The following PAQR8 variants were observed in gnomAD, a reference collection of about 807,000 sequenced individuals.
PAQR8 encodes the protein membrane progestin receptor beta.
A neutral mutation model predicts 25.2 loss-of-function variants in PAQR8; 17 were observed. The observed-to-expected ratio is 0.67, with a 90% confidence interval of 0.46 to 1.01. The LOEUF is 1.01. Among genes scored for constraint, PAQR8 ranks in the 50% least tolerant of loss-of-function variants. The pLI, the probability that PAQR8 is intolerant of heterozygous loss-of-function variation, is 0.00. For synonymous variants in PAQR8, 204 were observed against 190.6 expected, an observed-to-expected ratio of 1.07 and a Z score of -0.58; for missense variants, 392 against 448.4, an observed-to-expected ratio of 0.87 and a Z score of 1.14.
intron 1 of PAQR8, among the ~76,000 whole-genome samples, chr6:52,364,103 T>TTTTTTTTTTTTTTTTTGG (rs59464397): frequency 1.4e-5 from 2 of 138,960 alleles, no homozygotes. Context: ...TTTTTTTTTT[T>TTTTTTTTTTTTTTTTTGG]GCGGGTGTGT....
chr6:52,393,925 C>A (rs1013763511), intron 1 of PAQR8, among the ~76,000 whole-genome samples: 16 of 152,122 alleles, frequency 1.1e-4, no homozygotes, highest in Non-Finnish European at 2.2e-4. Context: ...CAGTGGACAT[C>A]AGTGGTGTGG....
Position 52,393,152 on chromosome 6 carries a change from A to C in PAQR8, c.-52-10010A>C, listed in dbSNP as rs1763728970. On this transcript the variant is annotated intron_variant, in intron 1 of 1. Transcript: ENST00000442253. ...ATCACATACTGTGCAGCCTTGGACA[A>C]GTTATGTAATCTCTCTGTAACTGTT... is the stretch of plus-strand genomic sequence containing the variant. Among the ~76,000 whole-genome samples, 3 of 152,272 alleles carry C rather than the reference A, an allele frequency of 2.0e-5. No homozygotes were observed. In the South Asian group the frequency reaches 6.2e-4, roughly 32 times the overall value.
intron 1 of PAQR8, among the ~76,000 whole-genome samples, chr6:52,367,969 C>T (rs1324458741): frequency 6.6e-6 from 1 of 152,150 alleles, no homozygotes; most frequent in Non-Finnish European, 1.5e-5. Context: ...TGATTCATGC[C>T]TGTAATCCCA....
Position 52,380,847 on chromosome 6 carries a change from G to A in PAQR8, c.-53+18598G>A, listed in dbSNP as rs551345530. Among the ~76,000 whole-genome samples the A allele has an allele frequency of 4.6e-5, 7 of 152,172 alleles. No homozygotes were observed. In the South Asian group the frequency reaches 1.5e-3, roughly 32 times the overall value. On this transcript the variant is annotated intron_variant, in intron 1 of 1. Transcript: ENST00000442253. ...TGTTTTATTACAAATTTATGAGGCT[G>A]GTATAAACAGGTATCAACTTGCTAT...
rs192670192 is a variant in PAQR8 at position 52,405,877 on chromosome 6, C to T, written c.*1599C>T. The T allele has an allele frequency of 7.7e-4, 128 of 167,036 alleles. 1 individual carries two copies. The highest frequency in any genetic ancestry group is 1.7e-3 in the Non-Finnish European group (117 of 68,108). The allele number at this position is 167,036 out of a possible 1,614,324, so 10.3% of individuals were successfully genotyped here. A position where few individuals can be genotyped will look rare whatever the true frequency, so the allele number is the denominator to read the frequency against. ...ATAAGAAAAAATATATATTGCTCTT[C>T]AACTAGTGAATGAAAGAAACTTCAG... On this transcript the variant is annotated 3_prime_UTR_variant, in exon 2 of 2. Transcript: ENST00000442253.
chr6:52,380,890 T>C (rs969345507), intron 1 of PAQR8, among the ~76,000 whole-genome samples: 1 of 152,236 alleles, frequency 6.6e-6, no homozygotes, highest in Non-Finnish European at 1.5e-5. Flanking sequence ...GCCAATACTT[T>C]GTACTCACGA....
At chr6:52,385,928 C>A (rs1213913464) in intron 1 of PAQR8, among the ~76,000 whole-genome samples, 1 of 152,106 alleles carries the variant, frequency 6.6e-6, no homozygotes, top group Non-Finnish European at 1.5e-5. Flanking sequence ...AGACAACCTA[C>A]AGAATGGGAG....
rs148392540 is a variant in PAQR8, at chr6:52,397,349, A to G, written c.-52-5813A>G. 2.8e-3 allele frequency among the ~76,000 whole-genome samples: 432 copies of G among 152,194 alleles called. 1 individual carries two copies. Among genetic ancestry groups the G allele is most frequent in the African/African-American group, 9.8e-3 (407 of 41,502 alleles). On this transcript the variant is annotated intron_variant, in intron 1 of 1. Coordinates refer to ENST00000442253, the MANE Select transcript of PAQR8 (RefSeq NM_133367.5). The stretch of plus-strand genomic sequence containing the variant: ...TTTGCCTCTTTGCTAGAATGCCCCA[A>G]TTCTCACTTGTCTGAGCTCTATCCA...
intron 1 of PAQR8, among the ~76,000 whole-genome samples, chr6:52,373,119 C>T (rs182792397): frequency 5.3e-4 from 80 of 152,312 alleles, no homozygotes; most frequent in African/African-American, 1.8e-3. Flanking sequence ...CAAACTCCCA[C>T]GGACATGACT....
chr6:52,403,910 G>A lies in PAQR8; in HGVS notation c.697G>A (p.Ala233Thr), dbSNP rs761173338. The part of the protein sequence containing the change: ...LDISPVAHRV[A>T]LCHLAGCQEQ... ...CATCAGCCCTGTGGCACACCGTGTG[G>A]CGCTCTGTCACCTGGCTGGCTGCCA... Residue 233 changes from alanine (A) to threonine (T), a missense_variant, in exon 2 of 2, where the codon GCG becomes ACG. Coordinates refer to ENST00000442253, the MANE Select transcript of PAQR8 (RefSeq NM_133367.5). 3 of 1,614,236 alleles carry A rather than the reference G, an allele frequency of 1.9e-6. No homozygotes were observed. Among genetic ancestry groups the A allele is most frequent in the Non-Finnish European group, 2.5e-6 (3 of 1,180,034 alleles).
At chr6:52,374,940 T>C (rs1763467702) in intron 1 of PAQR8, among the ~76,000 whole-genome samples, 1 of 149,182 alleles carries the variant, frequency 6.7e-6, no homozygotes, top group Non-Finnish European at 1.5e-5. Flanking sequence ...ATTAATATAA[T>C]ATTATATTAA....
At chr6:52,387,515 A>T (rs1207536954) in intron 1 of PAQR8, among the ~76,000 whole-genome samples, 1 of 152,270 alleles carries the variant, frequency 6.6e-6, no homozygotes, top group Non-Finnish European at 1.5e-5. Flanking sequence ...AATATTTTGA[A>T]TAACTTCCTT....
chr6:52,364,652 C>T (rs1361990334), intron 1 of PAQR8, among the ~76,000 whole-genome samples: 4 of 152,190 alleles, frequency 2.6e-5, no homozygotes, highest in Admixed American at 2.0e-4. Flanking sequence ...GCAAACCTTC[C>T]TCAGCTGGGA....
At chr6:52,386,739 G>A (rs112153196) in intron 1 of PAQR8, among the ~76,000 whole-genome samples, 15 of 152,292 alleles carry the variant, frequency 9.8e-5, no homozygotes, top group African/African-American at 3.6e-4. Context: ...CCTGGATGAT[G>A]GACTCAGTCA....
chr6:52,386,292 T>C (rs1189996441), intron 1 of PAQR8, among the ~76,000 whole-genome samples: 1 of 152,202 alleles, frequency 6.6e-6, no homozygotes, highest in Non-Finnish European at 1.5e-5. Flanking sequence ...AGTTTGGAGA[T>C]TTCTCAGAGA....
intron 1 of PAQR8, among the ~76,000 whole-genome samples, chr6:52,382,556 C>T (rs756170239): frequency 2.6e-5 from 4 of 151,696 alleles, no homozygotes; most frequent in African/African-American, 4.8e-5. Flanking sequence ...AAAACACAAA[C>T]GTAGATTAAA....
intron 1 of PAQR8, among the ~76,000 whole-genome samples, chr6:52,397,066 G>GA (rs1763775303): frequency 2.0e-5 from 3 of 152,190 alleles, no homozygotes; most frequent in Admixed American, 6.5e-5. Context: ...TGGGGCCAGA[G>GA]AGGGTAGTGT....
At chr6:52,383,853 A>G (rs1038583450) in intron 1 of PAQR8, among the ~76,000 whole-genome samples, 9 of 152,268 alleles carry the variant, frequency 5.9e-5, no homozygotes, top group Middle Eastern at 6.8e-3. Context: ...TTTAGTTGGC[A>G]AAGAGGAAAG....
At chr6:52,374,846 G>T (rs776444578) in intron 1 of PAQR8, among the ~76,000 whole-genome samples, 33 of 151,762 alleles carry the variant, frequency 2.2e-4, no homozygotes, top group Non-Finnish European at 4.4e-4. Context: ...TTGTCAGGAT[G>T]CAATTGAAGA....
Sources: gnomAD v4.1 joint callset for allele counts (sites outside exome capture counted in the v4.1 genomes callset) on GRCh38, gnomAD v4.1.1 for gene constraint, MANE v1.5 for transcripts, NCBI Gene and HGNC (gene_info 2026-07-23, HGNC 2026-07-21) for gene names.